LINC00305: variants seen among roughly 807,000 people sequenced by gnomAD.
LINC00305 encodes the protein long independently transcribed non-coding RNA 305, also known as long intergenic non-protein coding RNA 305.
chr18:64,093,934 A>C (rs1227469075), intron 3 of LINC00305, among the ~76,000 whole-genome samples: 2 of 152,232 alleles, frequency 1.3e-5, no homozygotes, highest in Admixed American at 6.5e-5. Flanking sequence ...AATTGGAAAG[A>C]AGTGCACACA....
intron 1 of LINC00305, among the ~76,000 whole-genome samples, chr18:64,135,747 G>A (rs1335159326): frequency 6.6e-6 from 1 of 151,964 alleles, no homozygotes; most frequent in East Asian, 1.9e-4. Context: ...CACCATGCCT[G>A]GCAATTTTTT....
intron 1 of LINC00305, chr18:64,103,955 T>C (rs2051278534): frequency 1.3e-5 from 2 of 152,242 alleles, no homozygotes; most frequent in Non-Finnish European, 2.9e-5. Context: ...TACATATGTA[T>C]ATGGTTATTT....
At chr18:64,090,930 A>G (rs574628760) in intron 3 of LINC00305, among the ~76,000 whole-genome samples, 320 of 152,326 alleles carry the variant, frequency 2.1e-3, no homozygotes, top group Non-Finnish European at 3.2e-3. Context: ...TGCTGCACAA[A>G]ACTAACTCAA....
At chr18:64,138,776 G>T (rs1290994487) in intron 1 of LINC00305, among the ~76,000 whole-genome samples, 1 of 152,076 alleles carries the variant, frequency 6.6e-6, no homozygotes, top group Non-Finnish European at 1.5e-5. Flanking sequence ...CTTTTCTGAT[G>T]CTTGTCAGCT....
chr18:64,144,992 C>T (rs1306328678), intron 1 of LINC00305, among the ~76,000 whole-genome samples: 3 of 152,182 alleles, frequency 2.0e-5, no homozygotes, highest in Non-Finnish European at 2.9e-5. Flanking sequence ...GGGCTATAAA[C>T]GCCCTCATCT....
intron 1 of LINC00305, among the ~76,000 whole-genome samples, chr18:64,137,384 TTAG>T (rs1242435613): frequency 6.6e-6 from 1 of 152,214 alleles, no homozygotes; most frequent in Non-Finnish European, 1.5e-5. Context: ...TGGCACTTTG[TTAG>T]GACAACCCTG....
At position 64,087,137 on chromosome 18, in the gene LINC00305, C is replaced by T. The variant is rs1242048945; in HGVS notation, n.541-6735G>A. ...TTATTATACACATGGAAATAGCATCCGTAAGGCAAATACACTTGGGTTTTA... is the reference window on the plus strand; with the variant it reads ...TTATTATACACATGGAAATAGCATCTGTAAGGCAAATACACTTGGGTTTTA... On this transcript the variant is annotated intron_variant and non_coding_transcript_variant, in intron 3 of 3. Coordinates refer to ENST00000666468, the Ensembl canonical transcript of LINC00305. 2.0e-5 allele frequency among the ~76,000 whole-genome samples: 3 copies of T among 152,158 alleles called. No homozygotes were observed. In the East Asian group the frequency reaches 5.8e-4, roughly 29 times the overall value.
intron 1 of LINC00305, among the ~76,000 whole-genome samples, chr18:64,114,060 G>A (rs2051326774): frequency 6.6e-6 from 1 of 152,192 alleles, no homozygotes; most frequent in Non-Finnish European, 1.5e-5. Context: ...ACAAGATCAG[G>A]AGAGCGAGAC....
chr18:64,086,936 G>T (rs1163451731), intron 3 of LINC00305, among the ~76,000 whole-genome samples: 2 of 152,162 alleles, frequency 1.3e-5, no homozygotes, highest in Non-Finnish European at 2.9e-5. Flanking sequence ...TTCCAAACAG[G>T]CTAAACAGTT....
chr18:64,098,069 G>T (rs368269248), intron 2 of LINC00305: 1 of 449,504 alleles, frequency 2.2e-6, no homozygotes, highest in Non-Finnish European at 4.5e-6. Flanking sequence ...GATTTATTAC[G>T]TATTATTGAA....
At chr18:64,121,554 T>C (rs557447301) in intron 1 of LINC00305, among the ~76,000 whole-genome samples, 29 of 152,280 alleles carry the variant, frequency 1.9e-4, no homozygotes, top group Middle Eastern at 6.8e-3. Context: ...TAGTATTCCA[T>C]TGGGTATATA....
At position 64,120,667 on chromosome 18, in the gene LINC00305, C is replaced by T. The variant is rs372887124; in HGVS notation, n.315-22027G>A. Among the ~76,000 whole-genome samples the T allele has an allele frequency of 3.2e-4, 48 of 152,184 alleles. 1 individual carries two copies. Among genetic ancestry groups the T allele is most frequent in the East Asian group, 2.1e-3 (11 of 5,178 alleles). ...GAAAGTTGTAGCCTTTTCAATCCTC[C>T]ATTAGCCAGATTCTAGAGAGCAAGG... On this transcript the variant is annotated intron_variant and non_coding_transcript_variant, in intron 1 of 3. Coordinates refer to ENST00000666468, the Ensembl canonical transcript of LINC00305.
At chr18:64,115,704 A>C (rs1240786770) in intron 1 of LINC00305, among the ~76,000 whole-genome samples, 2 of 152,096 alleles carry the variant, frequency 1.3e-5, no homozygotes, top group African/African-American at 4.8e-5. Context: ...AGCCTCTAGG[A>C]TCCTTGCCTT....
chr18:64,116,528 C>T (rs559487723), intron 1 of LINC00305, among the ~76,000 whole-genome samples: 6 of 152,260 alleles, frequency 3.9e-5, no homozygotes, highest in African/African-American at 1.4e-4. Flanking sequence ...TGATGTTACA[C>T]AACATATATA....
chr18:64,096,687 A>G (rs2051246436), intron 3 of LINC00305, among the ~76,000 whole-genome samples: 2 of 151,966 alleles, frequency 1.3e-5, no homozygotes, highest in Admixed American at 6.6e-5. Flanking sequence ...ATTAATGAAT[A>G]TAATATGGGA....
intron 1 of LINC00305, among the ~76,000 whole-genome samples, chr18:64,140,693 G>A (rs1324854458): frequency 7.9e-5 from 12 of 152,268 alleles, no homozygotes; most frequent in East Asian, 1.9e-4. Context: ...TGTTACTGCC[G>A]TGGTTATGTT....
intron 1 of LINC00305, among the ~76,000 whole-genome samples, chr18:64,124,614 A>C (rs779391688): frequency 6.6e-6 from 1 of 152,112 alleles, no homozygotes; most frequent in Non-Finnish European, 1.5e-5. Context: ...TGCTAAGAAA[A>C]TGTTTGTTGT....
intron 1 of LINC00305, among the ~76,000 whole-genome samples, chr18:64,121,197 CT>C (rs1568112999): frequency 6.6e-6 from 1 of 152,000 alleles, no homozygotes; most frequent in Non-Finnish European, 1.5e-5. Context: ...ATCACCTCTT[CT>C]TTTTTAAATT....
At chr18:64,129,186 A>T (rs2051398511) in intron 1 of LINC00305, among the ~76,000 whole-genome samples, 1 of 152,144 alleles carries the variant, frequency 6.6e-6, no homozygotes, top group South Asian at 2.1e-4. Context: ...GAAGGAATAC[A>T]TTGCAATGTA....
Sources: gnomAD v4.1 joint callset for allele counts (sites outside exome capture counted in the v4.1 genomes callset) on GRCh38, gnomAD v4.1.1 for gene constraint, MANE v1.5 for transcripts, NCBI Gene and HGNC (gene_info 2026-07-23, HGNC 2026-07-21) for gene names.